Variants in ITGA1 observed in about 807,000 individuals in gnomAD.
ITGA1 encodes the protein integrin subunit alpha 1.
ITGA1 carries 85 observed loss-of-function variants against 145.9 expected under a neutral mutation model. That is an observed-to-expected ratio of 0.58 (90% CI 0.49 to 0.70). The LOEUF (loss-of-function observed/expected upper bound fraction) is 0.70. Among genes scored for constraint, ITGA1 ranks in the 30% least tolerant of loss-of-function variants. The pLI is 0.00. For missense variants in ITGA1, 1,351 were observed against 1,418.7 expected (o/e 0.95, Z 0.77); for synonymous variants, 520 against 495.3 (o/e 1.05, Z -0.66).
chr5:52,888,600 A>G (rs1043950630), intron 8 of ITGA1, among the ~76,000 whole-genome samples: 2 of 152,256 alleles, frequency 1.3e-5, no homozygotes, highest in Admixed American at 6.5e-5. Flanking sequence ...AGCTCCTGGT[A>G]TAGACCTTTC....
At chr5:52,804,362 C>G (rs1651333690) in intron 1 of ITGA1, among the ~76,000 whole-genome samples, 1 of 152,182 alleles carries the variant, frequency 6.6e-6, no homozygotes, top group Admixed American at 6.5e-5. Context: ...TTTCATTTTG[C>G]TATAGCTACG....
chr5:52,919,019 C>A, intron 16 of ITGA1, 121 bp downstream of exon 16: 2 of 843,454 alleles, frequency 2.4e-6, no homozygotes, highest in Non-Finnish European at 3.5e-6. Flanking sequence ...CATATTTGCC[C>A]CAGTGAAGAT....
chr5:52,939,586 C>G lies in ITGA1; in HGVS notation c.3079-4C>G, dbSNP rs371289815. 6.3e-6 allele frequency: 10 copies of G among 1,586,342 alleles called. No homozygotes were observed. The highest frequency in any genetic ancestry group is 1.4e-5 in the African/African-American group (1 of 74,072). On this transcript the variant is annotated splice_region_variant and splice_polypyrimidine_tract_variant and intron_variant, in intron 24 of 28. Coordinates refer to ENST00000282588, the MANE Select transcript of ITGA1 (RefSeq NM_181501.2). ...TCTGATAAATGTAATATTTTCATTT[C>G]TAGAATGCAAACTGCAGACCCCATA...
chr5:52,939,495 G>A (rs1013328765), intron 24 of ITGA1, 95 bp from the exon 25 acceptor site: 6 of 777,940 alleles, frequency 7.7e-6, no homozygotes, highest in Non-Finnish European at 1.3e-5. Context: ...TATGGCAATG[G>A]CTGTCATTCA....
intron 1 of ITGA1, among the ~76,000 whole-genome samples, chr5:52,797,298 T>C (rs769991887): frequency 6.6e-6 from 1 of 151,992 alleles, no homozygotes; most frequent in Non-Finnish European, 1.5e-5. Flanking sequence ...TGGCCCAAAG[T>C]GGTTTGCCTC....
intron 1 of ITGA1, among the ~76,000 whole-genome samples, chr5:52,820,078 A>G (rs12652120): frequency 7.9e-5 from 12 of 151,520 alleles, no homozygotes; most frequent in African/African-American, 2.4e-5. Flanking sequence ...GTCAGGTAGC[A>G]TGATGCCTCC....
intron 1 of ITGA1, among the ~76,000 whole-genome samples, chr5:52,796,368 A>G (rs1318328749): frequency 6.6e-6 from 1 of 152,068 alleles, no homozygotes; most frequent in South Asian, 2.1e-4. Flanking sequence ...GAAAATAGAT[A>G]TAATTAAAGT....
intron 8 of ITGA1, among the ~76,000 whole-genome samples, chr5:52,891,948 T>G (rs1012757660): frequency 2.0e-5 from 3 of 152,114 alleles, no homozygotes; most frequent in Admixed American, 2.0e-4. Flanking sequence ...CTAATTTTTT[T>G]AGGCAGAAAA....
chr5:52,877,239 G>T (rs1347111343), intron 6 of ITGA1, among the ~76,000 whole-genome samples: 1 of 152,148 alleles, frequency 6.6e-6, no homozygotes, highest in Non-Finnish European at 1.5e-5. Flanking sequence ...CAGTTAGTCT[G>T]CCAGGAATAT....
chr5:52,840,936 C>T (rs551791836), intron 1 of ITGA1, among the ~76,000 whole-genome samples: 4 of 152,296 alleles, frequency 2.6e-5, no homozygotes, highest in Admixed American at 2.0e-4. Flanking sequence ...CAGATATACA[C>T]ATATACACAC....
intron 6 of ITGA1, among the ~76,000 whole-genome samples, chr5:52,877,934 G>A (rs979475887): frequency 6.6e-6 from 1 of 152,190 alleles, no homozygotes; most frequent in Non-Finnish European, 1.5e-5. Flanking sequence ...ACATGATAGT[G>A]ATATATTTGT....
chr5:52,939,081 C>T (rs985190666), intron 24 of ITGA1, among the ~76,000 whole-genome samples: 5 of 151,828 alleles, frequency 3.3e-5, no homozygotes, highest in African/African-American at 1.2e-4. Flanking sequence ...TTTTGTATTT[C>T]TAGTAGAGAT....
intron 6 of ITGA1, among the ~76,000 whole-genome samples, chr5:52,875,151 G>A (rs1749845673): frequency 6.6e-6 from 1 of 152,110 alleles, no homozygotes; most frequent in South Asian, 2.1e-4. Flanking sequence ...TAGGAGAAAG[G>A]TAGAGATGGG....
intron 24 of ITGA1, among the ~76,000 whole-genome samples, chr5:52,937,791 C>T (rs1750992701): frequency 6.6e-6 from 1 of 152,090 alleles, no homozygotes; most frequent in Non-Finnish European, 1.5e-5. Flanking sequence ...GTGTTAATTC[C>T]CTCTGGAGGC....
intron 6 of ITGA1, among the ~76,000 whole-genome samples, chr5:52,878,411 C>T (rs1407150020): frequency 6.6e-6 from 1 of 152,190 alleles, no homozygotes; most frequent in East Asian, 1.9e-4. Context: ...GACTTACCAA[C>T]ATTTTGAGTT....
chr5:52,913,925 TAAC>T (rs1371873759), intron 14 of ITGA1, among the ~76,000 whole-genome samples: 4 of 152,180 alleles, frequency 2.6e-5, no homozygotes, highest in African/African-American at 9.6e-5. Context: ...ATTATTTACT[TAAC>T]AAGAGACAGG....
chr5:52,939,284 G>GTCA, intron 24 of ITGA1, among the ~76,000 whole-genome samples: 1 of 67,054 alleles, frequency 1.5e-5, no homozygotes, highest in Non-Finnish European at 3.5e-5. Context: ...TTTGATTAAG[G>GTCA]TAATAATGAA....
chr5:52,940,453 G>C, intron 26 of ITGA1, among the ~76,000 whole-genome samples: 1 of 148,930 alleles, frequency 6.7e-6, no homozygotes, highest in Non-Finnish European at 1.5e-5. Context: ...CTGTCGCCCA[G>C]GCTGGAGTGC....
At chr5:52,811,289 T>C (rs1748680472) in intron 1 of ITGA1, among the ~76,000 whole-genome samples, 1 of 152,178 alleles carries the variant, frequency 6.6e-6, no homozygotes, top group South Asian at 2.1e-4. Context: ...TTTCATCTTT[T>C]TGAGAGTTGG....
Sources: gnomAD v4.1 joint callset for allele counts (sites outside exome capture counted in the v4.1 genomes callset) on GRCh38, gnomAD v4.1.1 for gene constraint, MANE v1.5 for transcripts, NCBI Gene and HGNC (gene_info 2026-07-23, HGNC 2026-07-21) for gene names.